The following GALNTL6 variants were observed in gnomAD, a reference collection of about 807,000 sequenced individuals.
GALNTL6 encodes polypeptide N-acetylgalactosaminyltransferase like 6.
Under a neutral mutation model 73.7 loss-of-function variants are expected in GALNTL6, and 46 were observed. The observed-to-expected ratio is 0.62, with a 90% CI of 0.49 to 0.80. The LOEUF is 0.80. Ranked by LOEUF, GALNTL6 falls within the 30% of genes least tolerant of loss-of-function variation. The pLI is 0.00. For synonymous variants in GALNTL6, 259 were observed against 263.7 expected (o/e 0.98, Z 0.17); for missense variants, 604 against 755.0 (o/e 0.80, Z 2.34).
intron 2 of GALNTL6, among the ~76,000 whole-genome samples, chr4:172,015,566 G>A (rs1587930): frequency 0.39 from 59,467 of 151,704 alleles, 11,921 homozygotes; most frequent in Admixed American, 0.44. Flanking sequence ...TTGAGATGTC[G>A]GTTATTGTTC....
chr4:172,951,467 C>T (rs978945634), intron 9 of GALNTL6, among the ~76,000 whole-genome samples: 15 of 152,232 alleles, frequency 9.9e-5, no homozygotes, highest in African/African-American at 3.6e-4. Context: ...TTCCTTTAGC[C>T]CCACTTCATC....
chr4:172,943,323 C>G (rs1561047545), intron 9 of GALNTL6, among the ~76,000 whole-genome samples: 1 of 152,172 alleles, frequency 6.6e-6, no homozygotes, highest in African/African-American at 2.4e-5. Flanking sequence ...GGAAAAAGAT[C>G]TTCCAGCCCC....
intron 7 of GALNTL6, among the ~76,000 whole-genome samples, chr4:172,871,845 G>A (rs1446516535): frequency 2.0e-5 from 3 of 151,678 alleles, no homozygotes; most frequent in Non-Finnish European, 2.9e-5. Context: ...GTGTGATGGC[G>A]CGATCTTGGC....
intron 4 of GALNTL6, among the ~76,000 whole-genome samples, chr4:172,329,831 G>C (rs77838005): frequency 0.019 from 2,846 of 152,206 alleles, 79 homozygotes; most frequent in African/African-American, 0.063. Context: ...GGAAACACTG[G>C]CAAGGGTGGC....
chr4:172,257,954 T>C (rs1738139025), intron 3 of GALNTL6, among the ~76,000 whole-genome samples: 1 of 151,216 alleles, frequency 6.6e-6, no homozygotes, highest in African/African-American at 2.4e-5. Context: ...ACTCAACAAA[T>C]ATTTACTGAT....
rs200424737 is a variant in GALNTL6 at position 172,198,875 on chromosome 4, AT to A, written c.139-30772del. On this transcript the variant is annotated intron_variant, in intron 2 of 12. Coordinates refer to ENST00000506823, the MANE Select transcript of GALNTL6 (RefSeq NM_001034845.3). ...TGTACTACTATAATTCCCAAAATGT[AT>A]TTTTTTTTAAATTTTGGCTATTTAG... is the stretch of plus-strand genomic sequence containing the variant. Among the ~76,000 whole-genome samples, 4 of 151,728 alleles carry A rather than the reference AT, an allele frequency of 2.6e-5. 1 individual carries two copies. Among genetic ancestry groups the A allele is most frequent in the South Asian group, 4.2e-4 (2 of 4,790 alleles).
At chr4:172,991,307 T>C (rs1751525403) in intron 10 of GALNTL6, among the ~76,000 whole-genome samples, 1 of 152,200 alleles carries the variant, frequency 6.6e-6, no homozygotes, top group South Asian at 2.1e-4. Context: ...TTTTATTATC[T>C]CAATATTACA....
intron 2 of GALNTL6, among the ~76,000 whole-genome samples, chr4:171,919,222 T>A (rs1208511711): frequency 6.6e-6 from 1 of 152,164 alleles, no homozygotes; most frequent in Non-Finnish European, 1.5e-5. Flanking sequence ...TGTTTGGTTT[T>A]ATTTCCAAGC....
rs188597831 is a variant in GALNTL6, at chr4:172,262,519, G to A, written c.247+32755G>A. 2.9e-3 allele frequency among the ~76,000 whole-genome samples: 442 copies of A among 151,578 alleles called. 3 individuals carry two copies. Among genetic ancestry groups the A allele is most frequent in the Non-Finnish European group, 5.0e-3 (339 of 67,596 alleles). On this transcript the variant is annotated intron_variant, in intron 3 of 12. Coordinates refer to ENST00000506823, the MANE Select transcript of GALNTL6 (RefSeq NM_001034845.3). ...ACCTTAAATTTATGTGAGTCCTGAT[G>A]TGTTAGGTAAGTTTCTTGAAGACAG...
chr4:172,344,503 G>C (rs1323375416), intron 4 of GALNTL6, among the ~76,000 whole-genome samples: 1 of 152,138 alleles, frequency 6.6e-6, no homozygotes, highest in African/African-American at 2.4e-5. Flanking sequence ...TTATTACAAG[G>C]GCTAATCTTT....
At chr4:172,102,247 C>T (rs1301360188) in intron 2 of GALNTL6, among the ~76,000 whole-genome samples, 1 of 152,080 alleles carries the variant, frequency 6.6e-6, no homozygotes, top group Non-Finnish European at 1.5e-5. Flanking sequence ...ATGTCTTCAC[C>T]AGCAGCTTCT....
chr4:172,032,940 A>C (rs1024311090), intron 2 of GALNTL6, among the ~76,000 whole-genome samples: 7 of 151,976 alleles, frequency 4.6e-5, no homozygotes, highest in African/African-American at 1.4e-4. Flanking sequence ...GAAAAATTAG[A>C]CATATACTGT....
chr4:172,074,878 G>A (rs954392850), intron 2 of GALNTL6, among the ~76,000 whole-genome samples: 1 of 152,168 alleles, frequency 6.6e-6, no homozygotes, highest in South Asian at 2.1e-4. Flanking sequence ...TACCTTGCAT[G>A]CTAACTTTTA....
chr4:172,422,643 C>T (rs1731090954), intron 5 of GALNTL6, among the ~76,000 whole-genome samples: 1 of 151,910 alleles, frequency 6.6e-6, no homozygotes, highest in Non-Finnish European at 1.5e-5. Context: ...TTATGTCTAG[C>T]TCAGATCTTC....
intron 5 of GALNTL6, among the ~76,000 whole-genome samples, chr4:172,395,230 G>A (rs1335162681): frequency 6.6e-6 from 1 of 152,068 alleles, no homozygotes; most frequent in Non-Finnish European, 1.5e-5. Context: ...GTAATGTAAA[G>A]TTTCATACAA....
At chr4:172,595,595 C>T (rs1737821224) in intron 5 of GALNTL6, among the ~76,000 whole-genome samples, 1 of 152,090 alleles carries the variant, frequency 6.6e-6, no homozygotes, top group African/African-American at 2.4e-5. Context: ...TAAAGTATAT[C>T]TTAGGGTTAA....
intron 5 of GALNTL6, among the ~76,000 whole-genome samples, chr4:172,438,388 C>T (rs998946656): frequency 6.6e-6 from 1 of 151,930 alleles, no homozygotes; most frequent in African/African-American, 2.4e-5. Context: ...TCATGTAGTA[C>T]TCTGATTCCA....
intron 5 of GALNTL6, among the ~76,000 whole-genome samples, chr4:172,790,629 C>T (rs1468647233): frequency 1.3e-5 from 2 of 152,072 alleles, no homozygotes; most frequent in African/African-American, 2.4e-5. Flanking sequence ...TCAGTTCTCA[C>T]GCCTGTAGTC....
chr4:172,839,282 T>A (rs1743076243), intron 7 of GALNTL6, among the ~76,000 whole-genome samples: 2 of 152,228 alleles, frequency 1.3e-5, no homozygotes, highest in Admixed American at 1.3e-4. Flanking sequence ...TATTGAAGAC[T>A]GAGAGACTAC....
Sources: allele counts gnomAD v4.1 joint callset (sites outside exome capture counted in the v4.1 genomes callset), GRCh38; gene constraint gnomAD v4.1.1; transcripts MANE v1.5; gene names NCBI Gene and HGNC (gene_info 2026-07-23, HGNC 2026-07-21).